Variants in FAT3 observed in about 807,000 individuals in gnomAD.
FAT3 encodes protocadherin Fat 3.
Under a neutral mutation model 310.2 loss-of-function variants are expected in FAT3, and 95 were observed. The ratio of observed to expected loss-of-function variants is 0.31; its 90% confidence interval spans 0.26 to 0.36. The LOEUF is 0.36. FAT3 is among the 10% of genes least tolerant of loss of function. FAT3 has a pLI of 1.00. For synonymous variants in FAT3, 2,314 were observed against 2,192.9 expected (o/e 1.06, Z -1.54); for missense variants, 5,408 against 5,715.6 (o/e 0.95, Z 1.74).
intron 1 of FAT3, among the ~76,000 whole-genome samples, chr11:92,253,293 T>A (rs1013388725): frequency 6.6e-6 from 1 of 152,042 alleles, no homozygotes; most frequent in Admixed American, 6.6e-5. Context: ...ATGCATCTAC[T>A]CAGAGGCAGC....
At chr11:92,851,116 A>G (rs1948819255) in intron 19 of FAT3, among the ~76,000 whole-genome samples, 1 of 152,178 alleles carries the variant, frequency 6.6e-6, no homozygotes, top group Non-Finnish European at 1.5e-5. Context: ...GACGCGGATG[A>G]GTAACAAGCC....
chr11:92,700,736 TCTG>T (rs1286848593), intron 4 of FAT3, among the ~76,000 whole-genome samples: 1 of 152,162 alleles, frequency 6.6e-6, no homozygotes, highest in East Asian at 1.9e-4. Flanking sequence ...ATTTAATAAA[TCTG>T]CTAAGGCTTT....
intron 3 of FAT3, 53 bp from the exon 4 acceptor site, chr11:92,697,331 G>A: frequency 6.4e-7 from 1 of 1,552,692 alleles, no homozygotes; most frequent in South Asian, 1.1e-5. Flanking sequence ...CCCACACTCA[G>A]TAAGCTGTTT....
At position 92,384,219 on chromosome 11, in the gene FAT3, A is replaced by G. The variant is rs566571179; in HGVS notation, c.3292+28815A>G. On this transcript the variant is annotated intron_variant, in intron 2 of 27. Coordinates refer to ENST00000525166, the MANE Select transcript of FAT3 (RefSeq NM_001367949.2). The stretch of plus-strand genomic sequence containing the variant: ...AGGGGCATTTCCCTGTATAAATCTG[A>G]AGGCTTCAAAGTGGTCACTTCATAC... 3.0e-4 allele frequency among the ~76,000 whole-genome samples: 45 copies of G among 152,246 alleles called. No individual in the cohort carries two copies. In the South Asian group the frequency reaches 8.7e-3, roughly 29 times the overall value.
intron 2 of FAT3, among the ~76,000 whole-genome samples, chr11:92,385,132 T>C (rs1258954955): frequency 6.6e-6 from 1 of 152,248 alleles, no homozygotes; most frequent in Non-Finnish European, 1.5e-5. Context: ...GTATTACTCC[T>C]ATAAGAAAGC....
intron 21 of FAT3, 86 bp from the exon 22 acceptor site, chr11:92,866,655 G>GC: frequency 8.2e-7 from 1 of 1,220,446 alleles, no homozygotes; most frequent in South Asian, 1.5e-5. Flanking sequence ...TTCTTGTGAA[G>GC]CCCCCGGGCC....
intron 2 of FAT3, among the ~76,000 whole-genome samples, chr11:92,501,256 T>C (rs946430798): frequency 2.0e-5 from 3 of 152,080 alleles, no homozygotes; most frequent in Non-Finnish European, 4.4e-5. Flanking sequence ...ATGTGATCTT[T>C]AATTAGTTCA....
At chr11:92,750,843 C>T (rs777000797) in intron 4 of FAT3, among the ~76,000 whole-genome samples, 10 of 152,186 alleles carry the variant, frequency 6.6e-5, no homozygotes, top group Admixed American at 5.2e-4. Flanking sequence ...TGTAAAAATA[C>T]GTGCTATTTG....
chr11:92,226,141 AG>A (rs1863897733), intron 1 of FAT3, among the ~76,000 whole-genome samples: 1 of 151,706 alleles, frequency 6.6e-6, no homozygotes, highest in African/African-American at 2.4e-5. Context: ...GAGGCAGTAG[AG>A]GTGGCCTGGA....
At chr11:92,863,484 G>C (rs1306775406) in intron 21 of FAT3, among the ~76,000 whole-genome samples, 1 of 152,124 alleles carries the variant, frequency 6.6e-6, no homozygotes, top group Non-Finnish European at 1.5e-5. Flanking sequence ...CCAGGGGAAA[G>C]CACATCACTG....
chr11:92,381,757 G>A (rs1016370526), intron 2 of FAT3, among the ~76,000 whole-genome samples: 1 of 151,596 alleles, frequency 6.6e-6, no homozygotes, highest in African/African-American at 2.4e-5. Flanking sequence ...AACAGTCCAG[G>A]AAAAATGAAA....
chr11:92,640,743 T>G (rs1941927691), intron 3 of FAT3, among the ~76,000 whole-genome samples: 1 of 152,158 alleles, frequency 6.6e-6, no homozygotes, highest in Admixed American at 6.5e-5. Context: ...TCATTTTGAG[T>G]AAAAGGTAGC....
At chr11:92,658,703 G>A (rs1005980551) in intron 3 of FAT3, among the ~76,000 whole-genome samples, 2 of 152,254 alleles carry the variant, frequency 1.3e-5, no homozygotes, top group Middle Eastern at 3.4e-3. Flanking sequence ...GCTATGCCAC[G>A]TGTTTTCTCA....
At chr11:92,884,332 C>T (rs1949750110) in intron 24 of FAT3, among the ~76,000 whole-genome samples, 1 of 152,156 alleles carries the variant, frequency 6.6e-6, no homozygotes. Context: ...ATTGAACAGG[C>T]TTTCTTCCCA....
chr11:92,494,556 CT>C (rs2135248918), intron 2 of FAT3, among the ~76,000 whole-genome samples: 1 of 151,996 alleles, frequency 6.6e-6, no homozygotes, highest in East Asian at 1.9e-4. Flanking sequence ...TGTGTGGGTA[CT>C]TTTATGCATC....
chr11:92,516,745 G>T (rs376152001), intron 2 of FAT3, among the ~76,000 whole-genome samples: 1 of 152,088 alleles, frequency 6.6e-6, no homozygotes, highest in Non-Finnish European at 1.5e-5. Flanking sequence ...AAACCCCGTC[G>T]TCTCAGCCCC....
chr11:92,672,142 T>G (rs1943149931), intron 3 of FAT3, among the ~76,000 whole-genome samples: 1 of 152,024 alleles, frequency 6.6e-6, no homozygotes, highest in African/African-American at 2.4e-5. Flanking sequence ...AAATAAATAT[T>G]TTTTAAATAA....
intron 10 of FAT3, among the ~76,000 whole-genome samples, chr11:92,804,929 T>C (rs767488631): frequency 1.3e-5 from 2 of 152,224 alleles, no homozygotes; most frequent in Admixed American, 6.5e-5. Flanking sequence ...TAAGTGGATT[T>C]TATTATCTTG....
intron 2 of FAT3, among the ~76,000 whole-genome samples, chr11:92,522,359 A>G (rs1331111966): frequency 6.6e-6 from 1 of 152,170 alleles, no homozygotes; most frequent in African/African-American, 2.4e-5. Flanking sequence ...CTGTTCAGGT[A>G]TCCAACCCTC....
Sources: allele counts gnomAD v4.1 joint callset (sites outside exome capture counted in the v4.1 genomes callset), GRCh38; gene constraint gnomAD v4.1.1; transcripts MANE v1.5; gene names NCBI Gene and HGNC (gene_info 2026-07-23, HGNC 2026-07-21).